TDRD7: variants seen among roughly 807,000 people sequenced by gnomAD.
The protein encoded by TDRD7 is tudor domain-containing protein 7.
Under a neutral mutation model 109.8 loss-of-function variants are expected in TDRD7, and 47 were observed. The ratio of observed to expected loss-of-function variants is 0.43; its 90% CI spans 0.34 to 0.55. TDRD7 has a LOEUF of 0.55. Among genes scored for constraint, TDRD7 ranks in the 20% least tolerant of loss-of-function variants. TDRD7 has a pLI of 0.03. For missense variants in TDRD7, 1,164 were observed against 1,319.2 expected (o/e 0.88, Z 1.82); for synonymous variants, 424 against 457.3 (o/e 0.93, Z 0.93).
At chr9:97,425,485 C>T (rs2118258894) in intron 1 of TDRD7, among the ~76,000 whole-genome samples, 2 of 152,194 alleles carry the variant, frequency 1.3e-5, no homozygotes, top group South Asian at 4.2e-4. Context: ...ACCATATAGC[C>T]TAGGTGTGTA....
chr9:97,458,224 T>C (rs1197988170), intron 6 of TDRD7, among the ~76,000 whole-genome samples: 1 of 152,210 alleles, frequency 6.6e-6, no homozygotes. Flanking sequence ...GACACGTTTC[T>C]GAGAATGTAT....
intron 7 of TDRD7, among the ~76,000 whole-genome samples, chr9:97,461,157 A>G (rs1828717348): frequency 6.6e-6 from 1 of 151,900 alleles, no homozygotes; most frequent in South Asian, 2.1e-4. Flanking sequence ...AAAAAAAAGG[A>G]TAACATATTC....
chr9:97,481,499 G>A (rs1415894224), intron 14 of TDRD7, among the ~76,000 whole-genome samples: 5 of 151,984 alleles, frequency 3.3e-5, no homozygotes, highest in Non-Finnish European at 7.4e-5. Flanking sequence ...AATTTAAGAA[G>A]ATAGTTTTTC....
chr9:97,417,881 C>G (rs1241038722), intron 1 of TDRD7, among the ~76,000 whole-genome samples: 1 of 152,200 alleles, frequency 6.6e-6, no homozygotes, highest in Non-Finnish European at 1.5e-5. Context: ...AATCCCAGCA[C>G]TTTGGGAGGC....
chr9:97,483,265 A>G lies in TDRD7; in HGVS notation c.2829A>G (p.Glu943=). The G allele has an allele frequency of 6.2e-7, 1 of 1,613,700 alleles. No homozygotes were observed. The highest frequency in any genetic ancestry group is 1.1e-5 in the South Asian group (1 of 91,020). The change falls in exon 15 of 17, where the codon GAA becomes GAG. Residue 943 remains glutamate (E), a synonymous_variant. Transcript: ENST00000355295. ...QEIHKLEVLM[E]EMILYYSVSE... is the part of the protein sequence containing the mutation. Reference sequence around the variant, plus strand: ...TACATAAGTTGGAAGTTCTGATGGAAGAGATGATTCTATATTACAGCGTGT... The same window carrying G: ...TACATAAGTTGGAAGTTCTGATGGAGGAGATGATTCTATATTACAGCGTGT...
intron 1 of TDRD7, among the ~76,000 whole-genome samples, chr9:97,413,051 CAGA>C (rs1723846014): frequency 6.6e-6 from 1 of 152,138 alleles, no homozygotes; most frequent in Admixed American, 6.5e-5. Flanking sequence ...AGTCCTGGCC[CAGA>C]AGAATTCTGA....
At chr9:97,455,992 CA>C (rs1486090164) in intron 6 of TDRD7, among the ~76,000 whole-genome samples, 6 of 152,092 alleles carry the variant, frequency 3.9e-5, no homozygotes, top group African/African-American at 1.2e-4. Context: ...GATACAAAAC[CA>C]ACATGCAAAA....
chr9:97,490,702 T>C (rs1326552325), intron 16 of TDRD7, among the ~76,000 whole-genome samples: 1 of 151,852 alleles, frequency 6.6e-6, no homozygotes, highest in African/African-American at 2.4e-5. Context: ...ATGCATTTGT[T>C]ACACCTTTGA....
At chr9:97,423,275 TTATC>T (rs1192810430) in intron 1 of TDRD7, among the ~76,000 whole-genome samples, 1 of 152,170 alleles carries the variant, frequency 6.6e-6, no homozygotes, top group African/African-American at 2.4e-5. Context: ...TTCAATAAAT[TTATC>T]TATTTCATCT....
chr9:97,445,216 G>A (rs1828379431), intron 6 of TDRD7, among the ~76,000 whole-genome samples: 1 of 152,182 alleles, frequency 6.6e-6, no homozygotes, highest in Non-Finnish European at 1.5e-5. Context: ...GGTCCTAGGA[G>A]TACAGCAACA....
chr9:97,488,740 A>G (rs970751030), intron 16 of TDRD7, among the ~76,000 whole-genome samples: 1 of 152,148 alleles, frequency 6.6e-6, no homozygotes, highest in African/African-American at 2.4e-5. Context: ...ATGGTGTGCT[A>G]GGCGCTCTAC....
At chr9:97,448,267 G>T (rs935234290) in intron 6 of TDRD7, among the ~76,000 whole-genome samples, 6 of 152,322 alleles carry the variant, frequency 3.9e-5, no homozygotes, top group Admixed American at 3.9e-4. Context: ...GGTTGTAGGT[G>T]ATATGGAACG....
At chr9:97,480,757 A>G in intron 13 of TDRD7, 71 bp from the exon 14 acceptor site, 1 of 1,233,958 alleles carries the variant, frequency 8.1e-7, no homozygotes, top group Non-Finnish European at 1.2e-6. Context: ...GTAGGAAAAT[A>G]ATATTAACAT....
rs1564220893 is a variant in TDRD7 at position 97,495,929 on chromosome 9, T to C, written c.*46T>C. On this transcript the variant is annotated 3_prime_UTR_variant, in exon 17 of 17. Transcript: ENST00000355295. ...ACAACTAATTCAGATTTTTTAGCAA[T>C]AACAAAATGTAGTAGGCTTAAAAAA... 1.3e-6 allele frequency: 2 copies of C among 1,515,174 alleles called. No individual in the cohort carries two copies. The highest frequency in any genetic ancestry group is 1.8e-6 in the Non-Finnish European group (2 of 1,091,468). The allele number at this position is 1,515,174 out of a possible 1,614,324, so 93.9% of individuals were successfully genotyped here.
chr9:97,426,326 C>T (rs1827993290), intron 1 of TDRD7, among the ~76,000 whole-genome samples: 2 of 152,218 alleles, frequency 1.3e-5, no homozygotes, highest in South Asian at 2.1e-4. Flanking sequence ...AGTGGTGCTC[C>T]ATTGCAGCTT....
chr9:97,426,003 A>T (rs917519385), intron 1 of TDRD7, among the ~76,000 whole-genome samples: 11 of 152,166 alleles, frequency 7.2e-5, no homozygotes, highest in African/African-American at 2.7e-4. Context: ...CCATTAACAC[A>T]ATGGTAAGTA....
intron 1 of TDRD7, among the ~76,000 whole-genome samples, chr9:97,422,405 A>G (rs1466677693): frequency 6.6e-6 from 1 of 152,208 alleles, no homozygotes; most frequent in African/African-American, 2.4e-5. Flanking sequence ...CAAAAAAAAA[A>G]ATCAGTTTAC....
At chr9:97,495,635 C>T (rs934954705) in intron 16 of TDRD7, 28 bp from the exon 17 acceptor site, 14 of 1,597,574 alleles carry the variant, frequency 8.8e-6, no homozygotes, top group Admixed American at 5.0e-5. Context: ...CTCCTCACTG[C>T]TCCCTCTTCT....
intron 7 of TDRD7, among the ~76,000 whole-genome samples, chr9:97,464,006 C>T (rs1258386710): frequency 6.6e-6 from 1 of 151,994 alleles, no homozygotes; most frequent in African/African-American, 2.4e-5. Flanking sequence ...TTTGTTTTTT[C>T]TCTAGTAAAA....
Sources: allele counts gnomAD v4.1 joint callset (sites outside exome capture counted in the v4.1 genomes callset), GRCh38; gene constraint gnomAD v4.1.1; transcripts MANE v1.5; gene names NCBI Gene and HGNC (gene_info 2026-07-23, HGNC 2026-07-21).